IQGAP2: variants seen among roughly 807,000 people sequenced by gnomAD.
The protein encoded by IQGAP2 is IQ motif containing GTPase activating protein 2, also known as ras GTPase-activating-like protein IQGAP2.
IQGAP2 carries 173 observed loss-of-function variants against 201.3 expected under a neutral mutation model. That is an observed-to-expected ratio of 0.86 (90% CI 0.76 to 0.98). IQGAP2 has a LOEUF of 0.98. Ranked by LOEUF, IQGAP2 falls within the 50% of genes least tolerant of loss-of-function variation. IQGAP2 has a pLI of 0.00. For synonymous variants in IQGAP2, 675 were observed against 673.9 expected, an observed-to-expected ratio of 1.00 and a Z score of -0.03; for missense variants, 1,687 against 1,864.8, an observed-to-expected ratio of 0.90 and a Z score of 1.76.
Position 76,592,207 on chromosome 5 carries a change from C to G in IQGAP2, c.820-631C>G, listed in dbSNP as rs77251144. Among the ~76,000 whole-genome samples, 1,269 of 152,294 alleles carry G rather than the reference C, an allele frequency of 8.3e-3. 27 individuals are homozygous for G. Among genetic ancestry groups the G allele is most frequent in the African/African-American group, 0.028 (1,184 of 41,554 alleles). ...AGAGACATGCCCCGATTCTCTATTA[C>G]CTACTGAATTAAATACCAAATCTTA... is the stretch of plus-strand genomic sequence containing the variant. On this transcript the variant is annotated intron_variant, in intron 8 of 35. Coordinates refer to ENST00000274364, the MANE Select transcript of IQGAP2 (RefSeq NM_006633.5).
intron 1 of IQGAP2, among the ~76,000 whole-genome samples, chr5:76,448,787 A>G (rs1753554301): frequency 6.6e-6 from 1 of 152,214 alleles, no homozygotes; most frequent in Admixed American, 6.5e-5. Context: ...TGGCAAAATG[A>G]GCTTGGTTTG....
intron 2 of IQGAP2, among the ~76,000 whole-genome samples, chr5:76,518,712 C>T (rs1758487113): frequency 6.6e-6 from 1 of 152,128 alleles, no homozygotes; most frequent in Non-Finnish European, 1.5e-5. Flanking sequence ...ATTTACCAAA[C>T]ACTATTGATG....
intron 30 of IQGAP2, among the ~76,000 whole-genome samples, chr5:76,686,550 C>T (rs1266176500): frequency 1.3e-5 from 2 of 152,056 alleles, no homozygotes; most frequent in Non-Finnish European, 2.9e-5. Flanking sequence ...CGCTCTGTCG[C>T]CCAGGCTGGA....
chr5:76,438,726 A>G (rs1752863219), intron 1 of IQGAP2, among the ~76,000 whole-genome samples: 1 of 152,154 alleles, frequency 6.6e-6, no homozygotes, highest in Admixed American at 6.5e-5. Flanking sequence ...TGCAGGCAAG[A>G]GCCACCGTGC....
At chr5:76,472,394 C>A (rs1306597136) in intron 2 of IQGAP2, among the ~76,000 whole-genome samples, 1 of 152,128 alleles carries the variant, frequency 6.6e-6, no homozygotes, top group Non-Finnish European at 1.5e-5. Context: ...GTGCTGAGGG[C>A]CAGCTGGCGG....
intron 28 of IQGAP2, among the ~76,000 whole-genome samples, chr5:76,677,997 A>G (rs2150501783): frequency 6.6e-6 from 1 of 152,328 alleles, no homozygotes; most frequent in South Asian, 2.1e-4. Flanking sequence ...GCCCTGAGCC[A>G]GGACAGGCTA....
At chr5:76,489,583 T>A (rs1296790680) in intron 2 of IQGAP2, among the ~76,000 whole-genome samples, 4 of 152,154 alleles carry the variant, frequency 2.6e-5, no homozygotes, top group Non-Finnish European at 1.5e-5. Context: ...TGCCTCGGCC[T>A]CCCAAGTAGC....
chr5:76,622,227 AC>A (rs1234600350), intron 13 of IQGAP2, among the ~76,000 whole-genome samples: 1 of 151,780 alleles, frequency 6.6e-6, no homozygotes, highest in African/African-American at 2.4e-5. Context: ...ACCCCCGAAA[AC>A]CTTGCTTCTT....
chr5:76,463,154 GAAAGAAAAAGA>G (rs1054755456), intron 2 of IQGAP2, among the ~76,000 whole-genome samples: 6 of 142,918 alleles, frequency 4.2e-5, no homozygotes, highest in African/African-American at 1.3e-4. Flanking sequence ...GGAAAAGAAA[GAAAGAAAAAGA>G]AAAGAAAAAA....
intron 1 of IQGAP2, among the ~76,000 whole-genome samples, chr5:76,420,036 A>G (rs1445531579): frequency 1.3e-5 from 2 of 152,176 alleles, no homozygotes; most frequent in Non-Finnish European, 2.9e-5. Context: ...CCAGCCTGGA[A>G]GAGTGGTCTC....
At chr5:76,605,432 C>T (rs181619464) in intron 11 of IQGAP2, among the ~76,000 whole-genome samples, 8 of 152,228 alleles carry the variant, frequency 5.3e-5, no homozygotes, top group Admixed American at 5.2e-4. Flanking sequence ...TGGGCTCAAA[C>T]GATCCTCTCA....
At chr5:76,445,816 TGTC>T (rs1753354585) in intron 1 of IQGAP2, among the ~76,000 whole-genome samples, 1 of 152,158 alleles carries the variant, frequency 6.6e-6, no homozygotes, top group Admixed American at 6.5e-5. Flanking sequence ...ACCTTCACAT[TGTC>T]GTGCAGCCAA....
At chr5:76,676,077 T>TCACACACACACA (rs34099080) in intron 27 of IQGAP2, among the ~76,000 whole-genome samples, 89 of 135,666 alleles carry the variant, frequency 6.6e-4, no homozygotes, top group African/African-American at 2.3e-3. Context: ...TAAGACTCTG[T>TCACACACACACA]CACACACACA....
chr5:76,453,259 T>C (rs1753881040), intron 1 of IQGAP2, among the ~76,000 whole-genome samples: 1 of 152,180 alleles, frequency 6.6e-6, no homozygotes, highest in Non-Finnish European at 1.5e-5. Context: ...AGAAGTAATA[T>C]ATGCAAAATA....
At chr5:76,462,449 A>G (rs193267961) in intron 2 of IQGAP2, among the ~76,000 whole-genome samples, 1 of 152,336 alleles carries the variant, frequency 6.6e-6, no homozygotes, top group East Asian at 1.9e-4. Context: ...GAGAAAGTGA[A>G]GATAAAGAGT....
At chr5:76,599,613 C>G (rs1034301204) in intron 10 of IQGAP2, among the ~76,000 whole-genome samples, 1 of 152,080 alleles carries the variant, frequency 6.6e-6, no homozygotes, top group Non-Finnish European at 1.5e-5. Flanking sequence ...TACTTACATG[C>G]TCTCGATGGT....
intron 15 of IQGAP2, among the ~76,000 whole-genome samples, chr5:76,635,776 C>A (rs1014949497): frequency 2.9e-5 from 3 of 103,120 alleles, no homozygotes; most frequent in Non-Finnish European, 6.6e-5. Flanking sequence ...CTGCAGTGAG[C>A]CTTGGTCACA....
At chr5:76,635,042 C>T in intron 15 of IQGAP2, among the ~76,000 whole-genome samples, 1 of 152,182 alleles carries the variant, frequency 6.6e-6, no homozygotes, top group East Asian at 1.9e-4. Context: ...TACCTACTGA[C>T]ATCCTAACCC....
rs75039551 is a variant in IQGAP2 at position 76,519,296 on chromosome 5, A to G, written c.147-43100A>G. 2.9e-3 allele frequency among the ~76,000 whole-genome samples: 441 copies of G among 152,312 alleles called. 1 individual carries two copies. The highest frequency in any genetic ancestry group is 0.01 in the African/African-American group (424 of 41,552). On this transcript the variant is annotated intron_variant, in intron 2 of 35. Coordinates refer to ENST00000274364, the MANE Select transcript of IQGAP2 (RefSeq NM_006633.5). The stretch of plus-strand genomic sequence containing the variant: ...TTACTTTTTCCAGAATATCACATGA[A>G]TGGATTCATAAAGCATGTAATCTTT...
Sources: gnomAD v4.1 joint callset for allele counts (sites outside exome capture counted in the v4.1 genomes callset) on GRCh38, gnomAD v4.1.1 for gene constraint, MANE v1.5 for transcripts, NCBI Gene and HGNC (gene_info 2026-07-23, HGNC 2026-07-21) for gene names.